The following TRMU variants were observed in gnomAD, a reference collection of about 807,000 sequenced individuals.
The protein encoded by TRMU is mitochondrial tRNA-specific 2-thiouridylase 1.
In TRMU, 49 loss-of-function variants were observed where a neutral mutation model predicts 46.9. The observed-to-expected ratio is 1.05, with a 90% CI of 0.83 to 1.33. The LOEUF is 1.33. Ranked by LOEUF, TRMU falls within the 40% of genes most tolerant of loss-of-function variation. The probability of loss-of-function intolerance (pLI) is 0.00; values close to 1 mark genes in which losing one functional copy is unlikely to be tolerated. For missense variants in TRMU, 572 were observed against 532.4 expected (o/e 1.07, Z -0.73); for synonymous variants, 241 against 200.9 (o/e 1.20, Z -1.69).
chr22:46,346,961 C>T (rs1174796343), intron 4 of TRMU, among the ~76,000 whole-genome samples: 1 of 152,280 alleles, frequency 6.6e-6, no homozygotes, highest in African/African-American at 2.4e-5. Flanking sequence ...GCTGTGAGCA[C>T]AGGACCTGCT....
Position 46,356,036 on chromosome 22 carries a change from A to C in TRMU, c.1065A>C (p.Thr355=), listed in dbSNP as rs779820950. 4.3e-5 allele frequency: 70 copies of C among 1,613,888 alleles called. No homozygotes were observed. Among genetic ancestry groups the C allele is most frequent in the Non-Finnish European group, 5.7e-5 (67 of 1,179,994 alleles). Residue 355 remains threonine (T), a synonymous_variant, in exon 10 of 11, where the codon ACA becomes ACC. Transcript: ENST00000645190. The stretch of plus-strand genomic sequence containing the variant: ...ATCAAGATGGCACCGTGTGGGTGAC[A>C]GCTGTGCAGGCTGTGCGTGCCCTTG... ...TLNQDGTVWV[T]AVQAVRALAT...
rs1014283634 is a variant in TRMU, at chr22:46,339,195, G to A, written c.248+1251G>A. On this transcript the variant is annotated intron_variant, in intron 2 of 10. Transcript: ENST00000645190. This position sits in a 1 kb window ranked among gnomAD's most constrained non-coding sequence, Gnocchi z 4.8. ...GACAGAGCCTCGCTCTGTTGCCCAG[G>A]CTGGAGTGCAGTGGCGCAATCTTGG... is the stretch of plus-strand genomic sequence containing the variant. 6.6e-6 allele frequency among the ~76,000 whole-genome samples: 1 copy of A among 152,110 alleles called. No individual in the cohort carries two copies. The highest frequency in any genetic ancestry group is 1.5e-5 in the Non-Finnish European group (1 of 68,030).
Position 46,350,423 on chromosome 22 carries a change from C to T in TRMU, c.611C>T (p.Ala204Val). 1.2e-6 allele frequency: 2 copies of T among 1,614,052 alleles called. No homozygotes were observed. The highest frequency in any genetic ancestry group is 1.7e-6 in the Non-Finnish European group (2 of 1,180,036). Residue 204 changes from alanine (A) to valine (V), a missense_variant, in exon 5 of 11, where the codon GCT becomes GTT. Physicochemically the swap from Ala to Val is moderately conservative, Grantham distance 64 (BLOSUM62 0). Coordinates refer to ENST00000645190, the MANE Select transcript of TRMU (RefSeq NM_018006.5). This position sits in a 1 kb window ranked among gnomAD's most constrained non-coding sequence, Gnocchi z 4.6. Reference protein sequence around the residue: ...GLTKEFVKKIAAENRLHHVLQ... With the variant: ...GLTKEFVKKIVAENRLHHVLQ... ...ACGAAAGAGTTTGTAAAGAAAATCG[C>T]TGCTGAGAATAGACTTCATCATGTG...
rs2078029993 is a variant in TRMU at position 46,338,160 on chromosome 22, C to A, written c.248+216C>A. ...GCACACCCAGCTCTCTCACTCCTGT[C>A]ATTTTGCCACTTGCCTGAAGTCTCT... On this transcript the variant is annotated intron_variant, in intron 2 of 10. Coordinates refer to ENST00000645190, the MANE Select transcript of TRMU (RefSeq NM_018006.5). This position sits in a 1 kb window ranked among gnomAD's most constrained non-coding sequence, Gnocchi z 4.5. 2 of 584,042 alleles carry A rather than the reference C, an allele frequency of 3.4e-6. No homozygotes were observed. The highest frequency in any genetic ancestry group is 3.7e-5 in the African/African-American group (2 of 53,748). The allele number at this position is 584,042 out of a possible 1,614,324, so 36.2% of individuals were successfully genotyped here. A position where few individuals can be genotyped will look rare whatever the true frequency, so the allele number is the denominator to read the frequency against.
Position 46,351,617 on chromosome 22 carries a change from A to G in TRMU, c.652-504A>G, listed in dbSNP as rs1365739865. On this transcript the variant is annotated intron_variant, in intron 5 of 10. Transcript: ENST00000645190. This position sits in a 1 kb window ranked among gnomAD's most constrained non-coding sequence, Gnocchi z 6.4. ...GGAAGGGCAGTCTTGAGAGACACAA[A>G]CCAGAGTAAACGATGCAGCCCCTGA... The G allele has an allele frequency of 8.5e-6, 2 of 235,438 alleles. No homozygotes were observed. The highest frequency in any genetic ancestry group is 5.1e-5 in the Admixed American group (1 of 19,466). 14.6% of individuals were successfully genotyped at this position (235,438 alleles called of 1,614,324 possible).
chr22:46,356,290 CCTGCTCGGGCCCTGAGAGGCTCAGCTG>C (rs2078606106), intron 10 of TRMU: 3 of 579,856 alleles, frequency 5.2e-6, no homozygotes, highest in Admixed American at 2.8e-5. Flanking sequence ...CCAGCCAGTT[CCTGCTCGGGCCCTGAGAGGCTCAGCTG>C]CTGCCCGGGC....
chr22:46,352,582 A>C, intron 7 of TRMU: 2 of 583,346 alleles, frequency 3.4e-6, no homozygotes, highest in South Asian at 4.0e-5. Flanking sequence ...ACTTGGAAGG[A>C]CTATACTCTG....
chr22:46,356,827 G>C lies in TRMU; in HGVS notation c.1102-15G>C. 6.2e-7 allele frequency: 1 copy of C among 1,612,636 alleles called. No individual in the cohort carries two copies. The highest frequency in any genetic ancestry group is 8.5e-7 in the Non-Finnish European group (1 of 1,179,608). On this transcript the variant is annotated splice_polypyrimidine_tract_variant and intron_variant, in intron 10 of 10. Coordinates refer to ENST00000645190, the MANE Select transcript of TRMU (RefSeq NM_018006.5). Reference sequence around the variant, plus strand: ...TCCCTGTGGCACCCCTGATGCCAGGGTCTCTCCCCTACAGTTTGCTGTGTT... The same window carrying C: ...TCCCTGTGGCACCCCTGATGCCAGGCTCTCTCCCCTACAGTTTGCTGTGTT...
chr22:46,335,892 C>T (rs759250209), intron 1 of TRMU, 46 bp downstream of exon 1: 2 of 1,531,388 alleles, frequency 1.3e-6, no homozygotes, highest in South Asian at 1.2e-5. Flanking sequence ...AATGTGTCCC[C>T]GGAAACCTGT....
Position 46,355,980 on chromosome 22 carries a change from T to C in TRMU, c.1019-10T>C, listed in dbSNP as rs2078593887. Reference sequence around the variant, plus strand: ...TGTGCCCCCTCCAAGGGCCCCTCTCTTCTACCCAGTGCCCTGTGTGCTGAC... The same window carrying C: ...TGTGCCCCCTCCAAGGGCCCCTCTCCTCTACCCAGTGCCCTGTGTGCTGAC... On this transcript the variant is annotated splice_polypyrimidine_tract_variant and intron_variant, in intron 9 of 10. Coordinates refer to ENST00000645190, the MANE Select transcript of TRMU (RefSeq NM_018006.5). The C allele has an allele frequency of 1.2e-6, 2 of 1,613,710 alleles. No homozygotes were observed. The highest frequency in any genetic ancestry group is 2.7e-5 in the African/African-American group (2 of 74,902).
chr22:46,340,342 A>G (rs963100252), intron 2 of TRMU, among the ~76,000 whole-genome samples: 5 of 152,122 alleles, frequency 3.3e-5, no homozygotes, highest in Non-Finnish European at 7.4e-5. Context: ...GGTTTAGGGG[A>G]TTCCTCATGA....
At chr22:46,356,248 C>G (rs1602000503) in intron 10 of TRMU, 176 bp downstream of exon 10, 2 of 652,806 alleles carry the variant, frequency 3.1e-6, no homozygotes, top group East Asian at 2.8e-5. Context: ...ACAGTGACAA[C>G]TGTGAGAGGA....
intron 1 of TRMU, 121 bp from the exon 2 acceptor site, chr22:46,337,658 C>T: frequency 1.5e-6 from 2 of 1,336,336 alleles, no homozygotes; most frequent in Non-Finnish European, 2.1e-6. Flanking sequence ...GACTGCCCGG[C>T]AGGCCAGGCA....
Position 46,356,943 on chromosome 22 carries a change from G to T in TRMU, c.1203G>T (p.Gly401=), listed in dbSNP as rs201138484. ...TCCAGAAGGGCCAGCGCAGAGCTGG[G>T]ATGGCCACTGAGAGCCCCAGTGACA... ...YTLQKGQRRA[G]MATESPSDSP... The change falls in exon 11 of 11, where the codon GGG becomes GGT. Residue 401 remains glycine, a synonymous_variant. Coordinates refer to ENST00000645190, the MANE Select transcript of TRMU (RefSeq NM_018006.5). The T allele has an allele frequency of 1.2e-6, 2 of 1,613,508 alleles. No homozygotes were observed. The highest frequency in any genetic ancestry group is 1.7e-5 in the Admixed American group (1 of 60,036).
chr22:46,343,079 C>T (rs979810037), intron 2 of TRMU, among the ~76,000 whole-genome samples, 183 bp from the exon 3 acceptor site: 4 of 152,212 alleles, frequency 2.6e-5, no homozygotes, highest in African/African-American at 4.8e-5. Flanking sequence ...AACACCTTGT[C>T]GGGTGGCCCA....
chr22:46,344,572 G>C (rs954691772), intron 3 of TRMU, among the ~76,000 whole-genome samples: 2 of 152,212 alleles, frequency 1.3e-5, no homozygotes, highest in Non-Finnish European at 2.9e-5. Flanking sequence ...GCAGGCAGCT[G>C]TTCAGGAAGG....
chr22:46,353,967 TC>T (rs1385783045), intron 8 of TRMU, 100 bp downstream of exon 8: 1 of 1,093,282 alleles, frequency 9.1e-7, no homozygotes, highest in Non-Finnish European at 1.4e-6. Flanking sequence ...AGCCGTGGCT[TC>T]CTGGAGGCTG....
intron 8 of TRMU, chr22:46,355,197 C>T (rs897004709): frequency 3.3e-6 from 2 of 610,568 alleles, no homozygotes; most frequent in Admixed American, 2.8e-5. Flanking sequence ...GATCTCACCC[C>T]TGCCTCTTGC....
intron 10 of TRMU, 23 bp downstream of exon 10, chr22:46,356,095 C>T (rs1470179183): frequency 6.2e-7 from 1 of 1,613,280 alleles, no homozygotes; most frequent in Non-Finnish European, 8.5e-7. Context: ...TGGGGGTGAG[C>T]CCGGGGAGGA....
Sources: allele counts gnomAD v4.1 joint callset (sites outside exome capture counted in the v4.1 genomes callset), GRCh38; gene constraint gnomAD v4.1.1; non-coding constraint Gnocchi (gnomAD v3.1); transcripts MANE v1.5; gene names NCBI Gene and HGNC (gene_info 2026-07-23, HGNC 2026-07-21).